The following PHF24 variants were observed in gnomAD, a reference collection of about 807,000 sequenced individuals.
PHF24 encodes PHD finger protein 24.
A neutral mutation model predicts 42.6 loss-of-function variants in PHF24; 25 were observed. That is an observed-to-expected ratio of 0.59 (90% CI 0.43 to 0.82). The LOEUF is 0.82. PHF24 is among the 40% of genes least tolerant of loss of function. The pLI is 0.00. For missense variants in PHF24, 470 were observed against 538.1 expected (o/e 0.87, Z 1.25); for synonymous variants, 185 against 204.8 (o/e 0.90, Z 0.83).
At chr9:34,839,584 C>T in the PHF24 span, among the ~76,000 whole-genome samples, 142 of 152,200 alleles carry the variant, frequency 9.3e-4, no homozygotes, top group Middle Eastern at 3.4e-3. Flanking sequence ...TAGCCAAAAG[C>T]GGAGAAAAAA....
chr9:34,696,008 C>T, the PHF24 span, among the ~76,000 whole-genome samples: 2 of 152,140 alleles, frequency 1.3e-5, no homozygotes, highest in Non-Finnish European at 2.9e-5. Flanking sequence ...CTTAGACTAT[C>T]ACTCGTGAGG....
chr9:34,972,869 G>A (rs531720003), intron 3 of PHF24, among the ~76,000 whole-genome samples: 24 of 146,202 alleles, frequency 1.6e-4, no homozygotes, highest in South Asian at 4.3e-4. Context: ...AGCCGAAATC[G>A]CGCCACTGCA....
chr9:34,943,305 G>T, the PHF24 span, among the ~76,000 whole-genome samples: 1 of 152,132 alleles, frequency 6.6e-6, no homozygotes, highest in Admixed American at 6.5e-5. Flanking sequence ...TTTCTACTTG[G>T]CCTTTCTCAC....
the PHF24 span, among the ~76,000 whole-genome samples, chr9:34,686,969 T>C: frequency 6.6e-6 from 1 of 151,984 alleles, no homozygotes. Flanking sequence ...GGATGCTCAG[T>C]TGCTCCAATT....
chr9:34,854,401 T>A, the PHF24 span, among the ~76,000 whole-genome samples: 1 of 152,182 alleles, frequency 6.6e-6, no homozygotes, highest in Admixed American at 6.5e-5. Context: ...AGCTTTTTGA[T>A]GTGGGCATTT....
chr9:34,667,139 A>C, the PHF24 span, among the ~76,000 whole-genome samples: 1 of 152,210 alleles, frequency 6.6e-6, no homozygotes, highest in African/African-American at 2.4e-5. Context: ...TAGCTGCCCC[A>C]GAGCTCTGAC....
At chr9:34,723,751 G>A in the PHF24 span, 116 of 1,551,700 alleles carry the variant, frequency 7.5e-5, no homozygotes, top group South Asian at 1.3e-3. Context: ...GTGAAGCCTG[G>A]GGCAACACAG....
At chr9:34,763,396 C>T in the PHF24 span, among the ~76,000 whole-genome samples, 4 of 152,126 alleles carry the variant, frequency 2.6e-5, no homozygotes, top group South Asian at 4.2e-4. Context: ...GTAGTTCTCC[C>T]TGAAGAGGTC....
At chr9:34,716,740 C>T in the PHF24 span, among the ~76,000 whole-genome samples, 1 of 152,018 alleles carries the variant, frequency 6.6e-6, no homozygotes, top group African/African-American at 2.4e-5. Flanking sequence ...CTGATGTGAC[C>T]CACCATGCCC....
the PHF24 span, among the ~76,000 whole-genome samples, chr9:34,840,238 T>A: frequency 1.3e-5 from 2 of 152,150 alleles, no homozygotes; most frequent in African/African-American, 2.4e-5. Context: ...ACATACTGTC[T>A]CCTCATCCTT....
At chr9:34,894,430 G>A in the PHF24 span, 6 of 398,502 alleles carry the variant, frequency 1.5e-5, no homozygotes, top group Admixed American at 4.4e-5. Context: ...CTGCAAAGAA[G>A]AAGAGATTAC....
chr9:34,677,549 A>G, the PHF24 span, among the ~76,000 whole-genome samples: 1 of 152,020 alleles, frequency 6.6e-6, no homozygotes, highest in East Asian at 1.9e-4. Context: ...GGTGCCCGCC[A>G]CCACGCCTGG....
At chr9:34,735,087 T>G in the PHF24 span, among the ~76,000 whole-genome samples, 587 of 152,132 alleles carry the variant, frequency 3.9e-3, 4 homozygotes, top group East Asian at 4.6e-3. Flanking sequence ...TAAAAATGAT[T>G]TAACTCAGTC....
chr9:34,861,419 G>T, the PHF24 span, among the ~76,000 whole-genome samples: 1 of 152,172 alleles, frequency 6.6e-6, no homozygotes, highest in African/African-American at 2.4e-5. Flanking sequence ...CCAGTAAATT[G>T]TCTGCCAGAG....
At chr9:34,774,391 C>A in the PHF24 span, among the ~76,000 whole-genome samples, 16 of 83,146 alleles carry the variant, frequency 1.9e-4, no homozygotes, top group East Asian at 4.9e-3. Context: ...ACTCCTACAA[C>A]ACACAACAAA....
At chr9:34,725,110 C>T in the PHF24 span, 11 of 1,551,178 alleles carry the variant, frequency 7.1e-6, no homozygotes, top group Non-Finnish European at 9.6e-6. Flanking sequence ...GAAAAGGAGC[C>T]ACTGCCAGGA....
At chr9:34,707,569 C>T in the PHF24 span, among the ~76,000 whole-genome samples, 1 of 152,162 alleles carries the variant, frequency 6.6e-6, no homozygotes, top group Non-Finnish European at 1.5e-5. Context: ...GAGGCCCTGT[C>T]TTCACCTGCT....
chr9:34,711,091 T>C, the PHF24 span, among the ~76,000 whole-genome samples: 1 of 152,210 alleles, frequency 6.6e-6, no homozygotes, highest in Admixed American at 6.5e-5. Context: ...CTCGTATACA[T>C]TTTAGTCCCT....
the PHF24 span, among the ~76,000 whole-genome samples, chr9:34,667,868 G>A: frequency 6.6e-6 from 1 of 152,148 alleles, no homozygotes; most frequent in South Asian, 2.1e-4. Flanking sequence ...GACCAGATCT[G>A]GGAACCTGTT....
Sources: gnomAD v4.1 joint callset for allele counts (sites outside exome capture counted in the v4.1 genomes callset) on GRCh38, gnomAD v4.1.1 for gene constraint, MANE v1.5 for transcripts, NCBI Gene and HGNC (gene_info 2026-07-23, HGNC 2026-07-21) for gene names.